The following GARIN3 variants were observed in gnomAD, a reference collection of about 807,000 sequenced individuals.
The protein encoded by GARIN3 is golgi associated RAB2 interactor family member 3, also known as Golgi-associated RAB2 interactor protein 3.
the GARIN3 span, chr5:157,165,866 T>C: frequency 6.2e-7 from 1 of 1,614,158 alleles, no homozygotes; most frequent in South Asian, 1.1e-5. Context: ...ACCGGCCCCA[T>C]CTGACATGCT....
At chr5:157,162,885 C>A in the GARIN3 span, 1 of 1,614,140 alleles carries the variant, frequency 6.2e-7, no homozygotes, top group South Asian at 1.1e-5. Flanking sequence ...CTTTCTGATT[C>A]TTGTCCCCCG....
chr5:157,163,175 CG>C, the GARIN3 span: 52 of 1,613,918 alleles, frequency 3.2e-5, 2 homozygotes, highest in South Asian at 4.5e-4. Flanking sequence ...GAGAGACTGG[CG>C]GCCCCCGCCA....
chr5:157,165,462 TC>T, the GARIN3 span: 1 of 1,502,540 alleles, frequency 6.7e-7, no homozygotes, highest in Non-Finnish European at 8.9e-7. Flanking sequence ...CAATACTTTT[TC>T]CAGGTGGGCC....
chr5:157,166,043 C>G, the GARIN3 span: 1 of 1,614,218 alleles, frequency 6.2e-7, no homozygotes, highest in East Asian at 2.2e-5. Context: ...TTGGTGCATA[C>G]TTGAAAATGT....
chr5:157,162,988 T>C, the GARIN3 span: 1 of 1,614,242 alleles, frequency 6.2e-7, no homozygotes, highest in Non-Finnish European at 8.5e-7. Context: ...CTTGTTTTCA[T>C]TCCAGACTTC....
At chr5:157,165,913 C>T in the GARIN3 span, 27 of 1,614,174 alleles carry the variant, frequency 1.7e-5, no homozygotes, top group East Asian at 2.2e-5. Context: ...AGAACCATGA[C>T]GTCAGGCAGT....
At chr5:157,162,203 C>A in the GARIN3 span, 3 of 561,790 alleles carry the variant, frequency 5.3e-6, no homozygotes, top group South Asian at 7.4e-5. Context: ...CTCTGCTGGC[C>A]GTGGGCGGGT....
At chr5:157,162,786 A>AT in the GARIN3 span, 3 of 1,614,070 alleles carry the variant, frequency 1.9e-6, no homozygotes, top group Admixed American at 5.0e-5. Context: ...GAGAGGAGCC[A>AT]TGTCGCTTGC....
the GARIN3 span, chr5:157,165,925 G>C: frequency 1.2e-6 from 2 of 1,614,172 alleles, no homozygotes; most frequent in Non-Finnish European, 1.7e-6. Flanking sequence ...TCAGGCAGTG[G>C]GAGGATGGGG....
chr5:157,163,645 T>C, the GARIN3 span: 3 of 1,613,602 alleles, frequency 1.9e-6, no homozygotes, highest in South Asian at 3.3e-5. Flanking sequence ...CCCTTCTCTG[T>C]GGAGCTCTGC....
chr5:157,162,341 G>A, the GARIN3 span: 9 of 1,457,946 alleles, frequency 6.2e-6, no homozygotes, highest in South Asian at 1.2e-4. Context: ...ATTTCTTTTG[G>A]AGTTGTACGA....
chr5:157,165,667 A>G, the GARIN3 span: 2 of 1,614,196 alleles, frequency 1.2e-6, no homozygotes, highest in Non-Finnish European at 1.7e-6. Flanking sequence ...AGTTTTTCCC[A>G]ATAGCAAAAG....
chr5:157,163,327 A>T, the GARIN3 span: 2 of 1,614,154 alleles, frequency 1.2e-6, no homozygotes, highest in South Asian at 2.2e-5. Flanking sequence ...TGCTCCCGCC[A>T]GCGCTGTGGT....
At chr5:157,163,848 G>T in the GARIN3 span, among the ~76,000 whole-genome samples, 3 of 152,192 alleles carry the variant, frequency 2.0e-5, no homozygotes, top group African/African-American at 7.2e-5. Context: ...TTGAGGCCAG[G>T]AGTTCAAGAC....
chr5:157,165,164 A>G, the GARIN3 span, among the ~76,000 whole-genome samples: 1 of 152,232 alleles, frequency 6.6e-6, no homozygotes, highest in Non-Finnish European at 1.5e-5. Context: ...CCCAGACTTC[A>G]CCAGTATGCA....
At chr5:157,164,057 G>C in the GARIN3 span, among the ~76,000 whole-genome samples, 13 of 149,466 alleles carry the variant, frequency 8.7e-5, no homozygotes, top group Non-Finnish European at 1.9e-4. Flanking sequence ...GTGAGACACT[G>C]TTTAAAAAAA....
chr5:157,163,358 A>G, the GARIN3 span: 1 of 1,613,982 alleles, frequency 6.2e-7, no homozygotes, highest in Admixed American at 1.7e-5. Flanking sequence ...GGGCCTGCAG[A>G]TTTGGTTGTT....
chr5:157,163,917 C>A, the GARIN3 span, among the ~76,000 whole-genome samples: 1 of 152,134 alleles, frequency 6.6e-6, no homozygotes, highest in South Asian at 2.1e-4. Flanking sequence ...ATTAGCTGGA[C>A]AGGATGGCGC....
chr5:157,163,139 A>G, the GARIN3 span: 1 of 1,614,132 alleles, frequency 6.2e-7, no homozygotes, highest in East Asian at 2.2e-5. Flanking sequence ...CTGCCTGCAA[A>G]CGCCGCACTC....
Sources: allele counts gnomAD v4.1 joint callset (sites outside exome capture counted in the v4.1 genomes callset), GRCh38; gene constraint gnomAD v4.1.1; transcripts MANE v1.5; gene names NCBI Gene and HGNC (gene_info 2026-07-23, HGNC 2026-07-21).